Variants in DGKI observed in about 807,000 individuals in gnomAD.
DGKI encodes DAG kinase iota.
DGKI carries 55 observed loss-of-function variants against 147.5 expected under a neutral mutation model. That is an observed-to-expected ratio of 0.37 (90% CI 0.30 to 0.47). The LOEUF (loss-of-function observed/expected upper bound fraction) is 0.47. Among genes scored for constraint, DGKI ranks in the 20% least tolerant of loss-of-function variants. DGKI has a pLI of 1.00. For missense variants in DGKI, 1,007 were observed against 1,323.8 expected, an observed-to-expected ratio of 0.76 and a Z score of 3.71; for synonymous variants, 469 against 477.1, an observed-to-expected ratio of 0.98 and a Z score of 0.22.
chr7:137,739,614 G>C (rs1355991067), intron 1 of DGKI, among the ~76,000 whole-genome samples: 2 of 152,080 alleles, frequency 1.3e-5, no homozygotes. Flanking sequence ...TCTCCAATGG[G>C]AAGAACAAAA....
chr7:137,517,209 TAAAGA>T (rs1443871765), intron 21 of DGKI, among the ~76,000 whole-genome samples: 2 of 67,880 alleles, frequency 2.9e-5, no homozygotes, highest in African/African-American at 4.7e-5. Context: ...AAAAGAAAAG[TAAAGA>T]AAAGAAAAGA....
intron 20 of DGKI, among the ~76,000 whole-genome samples, chr7:137,529,329 CTT>C (rs1374739042): frequency 5.9e-5 from 9 of 152,008 alleles, no homozygotes; most frequent in Admixed American, 3.3e-4. Context: ...ACTTACAAAA[CTT>C]TTTAAAATAA....
rs181933064 is a variant in DGKI, at chr7:137,722,395, G to A, written c.402-32393C>T. On this transcript the variant is annotated intron_variant, in intron 1 of 32. Coordinates refer to ENST00000614521, the MANE Select transcript of DGKI (RefSeq NM_001321708.2). ...CAGCAAAAAACCCTTCAGTCAGCAC[G>A]TGAGAAAACTGCGAGCCAGCATTAC... 4.5e-4 allele frequency: 729 copies of A among 1,612,310 alleles called. 4 individuals carry two copies. The East Asian group carries it at 0.015, about 33-fold the overall frequency.
chr7:137,682,121 T>C (rs1050414290), intron 2 of DGKI, among the ~76,000 whole-genome samples: 3 of 152,150 alleles, frequency 2.0e-5, no homozygotes, highest in Non-Finnish European at 2.9e-5. Context: ...TGAGTGTTTC[T>C]AGTGAGTTAC....
intron 6 of DGKI, among the ~76,000 whole-genome samples, chr7:137,636,111 T>C (rs1821303710): frequency 6.6e-6 from 1 of 152,186 alleles, no homozygotes; most frequent in South Asian, 2.1e-4. Flanking sequence ...AGAATACATC[T>C]GGTAACCAGG....
intron 23 of DGKI, among the ~76,000 whole-genome samples, chr7:137,477,834 G>GC (rs1585153758): frequency 6.6e-6 from 1 of 151,848 alleles, no homozygotes; most frequent in East Asian, 1.9e-4. Context: ...TTTTGGGGTT[G>GC]TTTTTTTGTA....
At chr7:137,537,814 T>A (rs1026764260) in intron 20 of DGKI, among the ~76,000 whole-genome samples, 1 of 152,172 alleles carries the variant, frequency 6.6e-6, no homozygotes, top group African/African-American at 2.4e-5. Context: ...GCTTTAGAGG[T>A]AAGCCTTATA....
intron 1 of DGKI, among the ~76,000 whole-genome samples, chr7:137,760,541 G>A (rs755969919): frequency 2.0e-5 from 3 of 151,922 alleles, no homozygotes; most frequent in Non-Finnish European, 4.4e-5. Context: ...GGATTTTATC[G>A]GGAGGGTTTC....
intron 3 of DGKI, among the ~76,000 whole-genome samples, chr7:137,676,970 G>C (rs773569836): frequency 1.3e-5 from 2 of 152,186 alleles, no homozygotes; most frequent in African/African-American, 2.4e-5. Context: ...TTGTTCAAAA[G>C]TATATATGTA....
At chr7:137,749,265 G>A (rs1425606452) in intron 1 of DGKI, among the ~76,000 whole-genome samples, 5 of 152,014 alleles carry the variant, frequency 3.3e-5, no homozygotes, top group African/African-American at 9.7e-5. Context: ...AAAAGGCAAG[G>A]GCAGCACCCT....
At chr7:137,640,992 A>C (rs1013100407) in intron 6 of DGKI, among the ~76,000 whole-genome samples, 1 of 152,284 alleles carries the variant, frequency 6.6e-6, no homozygotes, top group Middle Eastern at 3.4e-3. Flanking sequence ...TCTCATCTTG[A>C]ATTGTAACTC....
intron 1 of DGKI, among the ~76,000 whole-genome samples, chr7:137,763,573 G>A (rs117774358): frequency 2.4e-4 from 37 of 152,370 alleles, no homozygotes; most frequent in Non-Finnish European, 4.6e-4. Context: ...CTCATCTACA[G>A]TGTGTGAAAT....
chr7:137,422,816 G>C (rs936320581), intron 28 of DGKI, among the ~76,000 whole-genome samples: 1 of 151,828 alleles, frequency 6.6e-6, no homozygotes. Flanking sequence ...ATGTTAGCCA[G>C]GATGGTCTCG....
intron 6 of DGKI, among the ~76,000 whole-genome samples, chr7:137,625,332 C>T (rs145130907): frequency 1.5e-3 from 224 of 152,060 alleles, no homozygotes; most frequent in Middle Eastern, 3.4e-3. Flanking sequence ...TGGTGGCAGG[C>T]GCCTGTAATC....
At chr7:137,618,563 T>C (rs946835044) in intron 8 of DGKI, among the ~76,000 whole-genome samples, 2 of 151,782 alleles carry the variant, frequency 1.3e-5, no homozygotes, top group Admixed American at 6.6e-5. Flanking sequence ...AGGTTTTCAA[T>C]GGAAAGATGT....
At chr7:137,472,368 A>AAAT (rs1814995550) in intron 23 of DGKI, among the ~76,000 whole-genome samples, 1 of 19,074 alleles carries the variant, frequency 5.2e-5, no homozygotes, top group Admixed American at 6.4e-4. Flanking sequence ...ATATACATAT[A>AAAT]ATTATTATAT....
intron 23 of DGKI, among the ~76,000 whole-genome samples, chr7:137,476,812 G>A (rs1815187544): frequency 6.6e-6 from 1 of 152,134 alleles, no homozygotes; most frequent in Admixed American, 6.5e-5. Flanking sequence ...CTACCCAGAA[G>A]CCCCAAGCTA....
At chr7:137,526,248 A>G (rs834091) in intron 20 of DGKI, among the ~76,000 whole-genome samples, 4,867 of 152,100 alleles carry the variant, frequency 0.032, 211 homozygotes, top group East Asian at 0.11. Flanking sequence ...CTTCCTGCCA[A>G]CATCTGCCAC....
At chr7:137,719,377 G>T (rs1181524997) in intron 1 of DGKI, among the ~76,000 whole-genome samples, 3 of 152,042 alleles carry the variant, frequency 2.0e-5, no homozygotes, top group African/African-American at 7.2e-5. Context: ...TTGGTCAACA[G>T]ATCAGAGAAT....
Sources: gnomAD v4.1 joint callset for allele counts (sites outside exome capture counted in the v4.1 genomes callset) on GRCh38, gnomAD v4.1.1 for gene constraint, MANE v1.5 for transcripts, NCBI Gene and HGNC (gene_info 2026-07-23, HGNC 2026-07-21) for gene names.